Variants in SORCS1 observed in about 807,000 individuals in gnomAD.
SORCS1 encodes the protein sortilin related VPS10 domain containing receptor 1.
Under a neutral mutation model 146.1 loss-of-function variants are expected in SORCS1, and 60 were observed. That is an observed-to-expected ratio of 0.41 (90% CI 0.33 to 0.51). The LOEUF (loss-of-function observed/expected upper bound fraction) is 0.51, where lower values mean the gene tolerates loss of function less well. Among genes scored for constraint, SORCS1 ranks in the 20% least tolerant of loss-of-function variants. SORCS1 has a pLI of 0.21. For missense variants in SORCS1, 1,352 were observed against 1,487.6 expected, an observed-to-expected ratio of 0.91 and a Z score of 1.50; for synonymous variants, 637 against 584.0, an observed-to-expected ratio of 1.09 and a Z score of -1.31.
chr10:106,924,467 ATCT>A (rs1952892196), intron 2 of SORCS1, among the ~76,000 whole-genome samples: 1 of 37,588 alleles, frequency 2.7e-5, no homozygotes, highest in Non-Finnish European at 5.0e-5. Context: ...ACAGTTATCG[ATCT>A]ATCTATCTAT....
chr10:106,716,486 T>G (rs1855382178), intron 6 of SORCS1, among the ~76,000 whole-genome samples: 1 of 152,220 alleles, frequency 6.6e-6, no homozygotes, highest in East Asian at 1.9e-4. Context: ...TGAAACCTGT[T>G]TCCTTCCCAC....
intron 8 of SORCS1, among the ~76,000 whole-genome samples, chr10:106,705,267 C>T (rs1274694719): frequency 6.6e-6 from 1 of 152,172 alleles, no homozygotes; most frequent in Non-Finnish European, 1.5e-5. Context: ...AATAGTGCAA[C>T]TCAGTGTGTG....
chr10:107,033,582 T>C (rs1259653765), intron 1 of SORCS1, among the ~76,000 whole-genome samples: 1 of 152,170 alleles, frequency 6.6e-6, no homozygotes, highest in Non-Finnish European at 1.5e-5. Flanking sequence ...AACACCAATT[T>C]CTCTATGCTA....
At chr10:106,918,087 T>C (rs939409039) in intron 2 of SORCS1, among the ~76,000 whole-genome samples, 9 of 152,328 alleles carry the variant, frequency 5.9e-5, no homozygotes, top group African/African-American at 1.7e-4. Flanking sequence ...GACATCCTCC[T>C]GAGGGTAAGA....
intron 5 of SORCS1, among the ~76,000 whole-genome samples, chr10:106,752,675 G>C (rs1224170393): frequency 6.6e-6 from 1 of 152,168 alleles, no homozygotes; most frequent in Non-Finnish European, 1.5e-5. Flanking sequence ...AGACACAAGA[G>C]TCCTTGGGCA....
chr10:107,107,365 C>A (rs1426532727), intron 1 of SORCS1, among the ~76,000 whole-genome samples: 1 of 152,152 alleles, frequency 6.6e-6, no homozygotes, highest in Non-Finnish European at 1.5e-5. Context: ...TATTACTAGA[C>A]AGTGGAGGAA....
At position 107,099,288 on chromosome 10, in the gene SORCS1, A is replaced by G. The variant is rs1483051065; in HGVS notation, c.558+64681T>C. Among the ~76,000 whole-genome samples, 6 of 152,284 alleles carry G rather than the reference A, an allele frequency of 3.9e-5. No individual in the cohort carries two copies. In the East Asian group the frequency reaches 1.2e-3, roughly 29 times the overall value. Reference sequence around the variant, plus strand: ...TTATGTTAACTCAAATTTAATTCTCAGGGACTCTTGATTGAGAAGATTTTT... The same window carrying G: ...TTATGTTAACTCAAATTTAATTCTCGGGGACTCTTGATTGAGAAGATTTTT... On this transcript the variant is annotated intron_variant, in intron 1 of 25. Coordinates refer to ENST00000263054, the MANE Select transcript of SORCS1 (RefSeq NM_052918.5).
chr10:107,031,808 C>T (rs985723085), intron 1 of SORCS1, among the ~76,000 whole-genome samples: 3 of 152,134 alleles, frequency 2.0e-5, no homozygotes, highest in African/African-American at 7.2e-5. Context: ...CTCTCTAACA[C>T]TTCAAACCAT....
At chr10:106,706,940 C>A (rs960389422) in intron 7 of SORCS1, among the ~76,000 whole-genome samples, 2 of 152,162 alleles carry the variant, frequency 1.3e-5, no homozygotes, top group Admixed American at 1.3e-4. Flanking sequence ...ATTGCCATCA[C>A]CAGCCCAGGT....
chr10:107,139,216 ATAAG>A (rs1471997858), intron 1 of SORCS1, among the ~76,000 whole-genome samples: 1 of 152,218 alleles, frequency 6.6e-6, no homozygotes. Flanking sequence ...AGAAAAGAGG[ATAAG>A]TCACTAGTCT....
At chr10:106,789,181 G>C (rs1324462778) in intron 3 of SORCS1, among the ~76,000 whole-genome samples, 1 of 152,092 alleles carries the variant, frequency 6.6e-6, no homozygotes, top group Non-Finnish European at 1.5e-5. Context: ...CAGTGCCCTG[G>C]GCCCGGCCCA....
chr10:106,662,762 C>T (rs781641714), intron 17 of SORCS1, among the ~76,000 whole-genome samples: 1 of 152,192 alleles, frequency 6.6e-6, no homozygotes, highest in Non-Finnish European at 1.5e-5. Context: ...TGACCTTCCT[C>T]ACCTTATTAA....
At chr10:106,691,891 T>C (rs554163867) in intron 9 of SORCS1, among the ~76,000 whole-genome samples, 83 of 151,118 alleles carry the variant, frequency 5.5e-4, no homozygotes, top group Non-Finnish European at 1.1e-3. Flanking sequence ...TTATGCTCTT[T>C]ATCATAAATT....
chr10:107,020,261 T>C (rs1199964352), intron 1 of SORCS1, among the ~76,000 whole-genome samples: 1 of 152,224 alleles, frequency 6.6e-6, no homozygotes, highest in Non-Finnish European at 1.5e-5. Context: ...TGTTCCTTTC[T>C]TTAGAATTGC....
intron 1 of SORCS1, among the ~76,000 whole-genome samples, chr10:106,979,874 T>C (rs913408813): frequency 2.0e-5 from 3 of 152,224 alleles, no homozygotes; most frequent in East Asian, 1.9e-4. Flanking sequence ...CATGAAGGTA[T>C]AGAACATTGT....
intron 9 of SORCS1, among the ~76,000 whole-genome samples, chr10:106,692,007 A>G (rs113759943): frequency 5.9e-5 from 9 of 152,284 alleles, no homozygotes; most frequent in African/African-American, 2.2e-4. Context: ...TTTAAAATTA[A>G]TAACAGTAAA....
rs552625216 is a variant in SORCS1 at position 107,013,980 on chromosome 10, G to A, written c.559-57400C>T. 3.1e-4 allele frequency among the ~76,000 whole-genome samples: 47 copies of A among 152,186 alleles called. No homozygotes were observed. In the South Asian group the frequency reaches 7.5e-3, roughly 24 times the overall value. ...GGGGCTTAAAAAGAGAGAAAAGGCC[G>A]GGCACAGTGGCTCATGCCTGTAATC... On this transcript the variant is annotated intron_variant, in intron 1 of 25. Transcript: ENST00000263054.
intron 2 of SORCS1, among the ~76,000 whole-genome samples, chr10:106,855,160 A>G (rs555512708): frequency 6.6e-6 from 1 of 152,080 alleles, no homozygotes; most frequent in Non-Finnish European, 1.5e-5. Context: ...GATGTTTTCC[A>G]TTATTTTTTC....
At chr10:106,976,681 C>A (rs1956039349) in intron 1 of SORCS1, among the ~76,000 whole-genome samples, 1 of 152,126 alleles carries the variant, frequency 6.6e-6, no homozygotes, top group African/African-American at 2.4e-5. Flanking sequence ...TGTCCTAATG[C>A]TCTCCTTCCC....
Sources: allele counts gnomAD v4.1 joint callset (sites outside exome capture counted in the v4.1 genomes callset), GRCh38; gene constraint gnomAD v4.1.1; transcripts MANE v1.5; gene names NCBI Gene and HGNC (gene_info 2026-07-23, HGNC 2026-07-21).